Variants in PLOD1 observed in about 807,000 individuals in gnomAD.
The protein encoded by PLOD1 is procollagen-lysine,2-oxoglutarate 5-dioxygenase 1.
In PLOD1, 70 loss-of-function variants were observed where a neutral mutation model predicts 94.7. The ratio of observed to expected loss-of-function variants is 0.74; its 90% CI spans 0.61 to 0.90. The LOEUF (loss-of-function observed/expected upper bound fraction) is 0.90, where lower values mean the gene tolerates loss of function less well. Ranked by LOEUF, PLOD1 falls within the 40% of genes least tolerant of loss-of-function variation. The pLI is 0.00. For missense variants in PLOD1, 905 were observed against 972.7 expected (o/e 0.93, Z 0.93); for synonymous variants, 417 against 400.2 (o/e 1.04, Z -0.50).
rs1362606035 is a variant in PLOD1 at position 11,967,653 on chromosome 1, TA to T, written c.1755+563del. On this transcript the variant is annotated intron_variant, in intron 16 of 18. Transcript: ENST00000196061. ...TATAGATTTTATTTATATATATATA[TA>T]TATATTTTTTTTAAATAATAGAGAC... 2.0e-3 allele frequency among the ~76,000 whole-genome samples: 235 copies of T among 115,432 alleles called. 3 individuals carry two copies. The highest frequency in any genetic ancestry group is 7.0e-3 in the African/African-American group (229 of 32,620). 75.7% of individuals were successfully genotyped at this position (115,432 alleles called of 152,430 possible).
intron 1 of PLOD1, among the ~76,000 whole-genome samples, chr1:11,941,492 A>ATTATTATTATTATTATTATTT (rs1645615097): frequency 6.9e-6 from 1 of 145,134 alleles, no homozygotes; most frequent in African/African-American, 2.7e-5. Flanking sequence ...TATTATTATT[A>ATTATTATTATTATTATTATTT]TTTTTGAGAT....
At chr1:11,969,020 ATT>A (rs936449431) in intron 16 of PLOD1, among the ~76,000 whole-genome samples, 60 of 118,820 alleles carry the variant, frequency 5.0e-4, no homozygotes, top group African/African-American at 1.7e-3. Context: ...ACCATGCCTA[ATT>A]TTTTTTTTTT....
At chr1:11,973,985 C>T (rs1383387326) in intron 18 of PLOD1, among the ~76,000 whole-genome samples, 3 of 152,128 alleles carry the variant, frequency 2.0e-5, no homozygotes, top group Non-Finnish European at 1.5e-5. Context: ...CAGCCTTCCA[C>T]AGCAAAGTGT....
At chr1:11,944,484 C>G in intron 1 of PLOD1, 1 of 1,312,574 alleles carries the variant, frequency 7.6e-7, no homozygotes, top group South Asian at 1.2e-5. Context: ...CTGGCTTTTT[C>G]CATCCATGAA....
chr1:11,965,403 CTGGGAGCGTGCAG>C, intron 13 of PLOD1, 64 bp from the exon 14 acceptor site: 1 of 810,400 alleles, frequency 1.2e-6, no homozygotes, highest in South Asian at 1.4e-5. Context: ...TGTTGCCCGT[CTGGGAGCGTGCAG>C]GGGAGGGGTG....
chr1:11,964,327 T>TGTTTTACTTGTTGGGGGGGGGGGGGG, intron 12 of PLOD1, 27 bp downstream of exon 12: 1 of 546,372 alleles, frequency 1.8e-6, no homozygotes. Flanking sequence ...TGGGGGTGGG[T>TGTTTTACTTGTTGGGGGGGGGGGGGG]GGGGGACACC....
intron 18 of PLOD1, 127 bp downstream of exon 18, chr1:11,973,124 A>T (rs75875486): frequency 1.0e-6 from 1 of 992,044 alleles, no homozygotes; most frequent in South Asian, 1.4e-5. Flanking sequence ...CAGAAAAAAA[A>T]GGATGTGGGT....
chr1:11,963,543 G>A lies in PLOD1; in HGVS notation c.1109G>A (p.Arg370Gln), dbSNP rs574781992. ...CCTCCTCCTTGCAGAGACCTGTGCC[G>A]GCAGGACCGCAGCTGCACCTACTAC... ...DARNMGADLCRQDRSCTYYFS... is the reference protein window; with the variant it reads ...DARNMGADLCQQDRSCTYYFS... The change falls in exon 11 of 19, where the codon CGG becomes CAG. Residue 370 changes from arginine (R) to glutamine (Q), a missense_variant. Physicochemically the swap from Arg to Gln is conservative, Grantham distance 43 (BLOSUM62 1). Transcript: ENST00000196061. This position sits in a 1 kb window ranked among gnomAD's most constrained non-coding sequence, Gnocchi z 4.3. 13 of 1,598,376 alleles carry A rather than the reference G, an allele frequency of 8.1e-6. No homozygotes were observed. Among genetic ancestry groups the A allele is most frequent in the Admixed American group, 5.2e-5 (3 of 57,248 alleles).
At chr1:11,943,366 T>C (rs571938558) in intron 1 of PLOD1, among the ~76,000 whole-genome samples, 45 of 151,744 alleles carry the variant, frequency 3.0e-4, no homozygotes, top group African/African-American at 1.0e-3. Context: ...GCACAGTCTC[T>C]GCTCACTGCA....
At chr1:11,967,195 G>A in intron 16 of PLOD1, 104 bp downstream of exon 16, 1 of 766,020 alleles carries the variant, frequency 1.3e-6, no homozygotes. Context: ...CACCCTTTCT[G>A]GGACTCTTGA....
At chr1:11,971,918 C>A in intron 17 of PLOD1, 1 of 152,340 alleles carries the variant, frequency 6.6e-6, no homozygotes. Flanking sequence ...CTGTGGTTCC[C>A]CGGAAACAAT....
At chr1:11,971,421 A>G (rs1053233491) in intron 17 of PLOD1, 2 of 177,534 alleles carry the variant, frequency 1.1e-5, no homozygotes, top group South Asian at 1.2e-4. Context: ...GTGGGAAGAC[A>G]GGGTGCTGGG....
rs577834357 is a variant in PLOD1 at position 11,975,350 on chromosome 1, A to G, written c.*542A>G. 15 of 207,328 alleles carry G rather than the reference A, an allele frequency of 7.2e-5. No homozygotes were observed. Among genetic ancestry groups the G allele is most frequent in the Non-Finnish European group, 1.2e-4 (12 of 100,952 alleles). 12.8% of individuals were successfully genotyped at this position (207,328 alleles called of 1,614,324 possible). ...GAGAGCAAACCGTAGTCCCCTGGAG[A>G]CAGCGACTCCAGAGAACCTCTTGGG... On this transcript the variant is annotated 3_prime_UTR_variant, in exon 19 of 19. Coordinates refer to ENST00000196061, the MANE Select transcript of PLOD1 (RefSeq NM_000302.4).
In PLOD1 at chr1:11,961,437, TCAGA is replaced by T. The variant is rs1190353078; in HGVS notation, c.1097+674_1097+677del. Among the ~76,000 whole-genome samples the T allele has an allele frequency of 7.9e-5, 12 of 152,160 alleles. No individual in the cohort carries two copies. The East Asian group carries it at 2.3e-3, about 29-fold the overall frequency. On this transcript the variant is annotated intron_variant, in intron 10 of 18. Coordinates refer to ENST00000196061, the MANE Select transcript of PLOD1 (RefSeq NM_000302.4). The stretch of plus-strand genomic sequence containing the variant: ...GTAATTTGTGTTGCTTGTAGAAGAG[TCAGA>T]CAGTCCAGATCAAAGGTTGGCAAAC...
intron 1 of PLOD1, among the ~76,000 whole-genome samples, chr1:11,935,420 T>A (rs1645571292): frequency 2.0e-5 from 3 of 152,208 alleles, no homozygotes; most frequent in Admixed American, 1.3e-4. Flanking sequence ...TGGATAAGTT[T>A]GTGCTTTCAT....
Position 11,957,669 on chromosome 1 carries a change from C to G in PLOD1, c.742-173C>G, listed in dbSNP as rs1645748351. Among the ~76,000 whole-genome samples the G allele has an allele frequency of 6.6e-6, 1 of 152,216 alleles. No homozygotes were observed. The highest frequency in any genetic ancestry group is 1.5e-5 in the Non-Finnish European group (1 of 68,038). ...AGAGTGCCAAGCCCTCCCCTGCCCT[C>G]TCTCAGAGCGGCTTGGTGATCTCCT... On this transcript the variant is annotated intron_variant, in intron 7 of 18. Coordinates refer to ENST00000196061, the MANE Select transcript of PLOD1 (RefSeq NM_000302.4). The surrounding 1 kb of genome is among the most constrained non-coding windows in gnomAD (Gnocchi z 4.1).
chr1:11,970,608 G>A, intron 16 of PLOD1, 62 bp from the exon 17 acceptor site: 5 of 1,519,058 alleles, frequency 3.3e-6, no homozygotes, highest in Non-Finnish European at 4.6e-6. Context: ...GGAGAGGGGA[G>A]TAGACAGAGC....
At chr1:11,954,341 C>G (rs2100748230) in intron 5 of PLOD1, 2 of 255,336 alleles carry the variant, frequency 7.8e-6, no homozygotes, top group Non-Finnish European at 1.6e-5. Flanking sequence ...AAAAAATTAG[C>G]TGGGTATGGT....
intron 18 of PLOD1, among the ~76,000 whole-genome samples, chr1:11,974,110 C>T (rs1042266442): frequency 1.3e-5 from 2 of 152,064 alleles, no homozygotes; most frequent in Non-Finnish European, 2.9e-5. Flanking sequence ...AACTGAAGCT[C>T]AGGTTGGTCA....
Sources: allele counts gnomAD v4.1 joint callset (sites outside exome capture counted in the v4.1 genomes callset), GRCh38; gene constraint gnomAD v4.1.1; non-coding constraint Gnocchi (gnomAD v3.1); transcripts MANE v1.5; gene names NCBI Gene and HGNC (gene_info 2026-07-23, HGNC 2026-07-21).